Variants in PDE11A observed in about 807,000 individuals in gnomAD.
PDE11A encodes phosphodiesterase 11A.
A neutral mutation model predicts 100.5 loss-of-function variants in PDE11A; 100 were observed. The observed-to-expected ratio is 1.00, with a 90% confidence interval of 0.85 to 1.18. The LOEUF is 1.18. PDE11A is among the 50% of genes most tolerant of loss of function. PDE11A has a pLI of 0.00. For synonymous variants in PDE11A, 381 were observed against 420.8 expected, an observed-to-expected ratio of 0.91 and a Z score of 1.16; for missense variants, 1,141 against 1,152.6, an observed-to-expected ratio of 0.99 and a Z score of 0.15.
chr2:177,849,900 G>T (rs2083670319), intron 5 of PDE11A, among the ~76,000 whole-genome samples: 1 of 152,134 alleles, frequency 6.6e-6, no homozygotes, highest in Non-Finnish European at 1.5e-5. Context: ...CAAAGAAATG[G>T]AAGAACATTC....
intron 1 of PDE11A, among the ~76,000 whole-genome samples, chr2:178,062,267 C>T (rs990791486): frequency 9.3e-5 from 14 of 150,042 alleles, no homozygotes; most frequent in African/African-American, 2.7e-4. Flanking sequence ...CTGTCTTGGG[C>T]TTTCAAAGCC....
chr2:177,809,622 G>A (rs1354161875), intron 9 of PDE11A, among the ~76,000 whole-genome samples: 4 of 152,156 alleles, frequency 2.6e-5, no homozygotes. Flanking sequence ...TACCTGAATT[G>A]GGAGATAAGG....
At chr2:177,767,156 C>G (rs2082250933) in intron 10 of PDE11A, among the ~76,000 whole-genome samples, 1 of 152,114 alleles carries the variant, frequency 6.6e-6, no homozygotes, top group Admixed American at 6.6e-5. Context: ...ATGGTGAAAC[C>G]CCGTCTCTAC....
rs563534990 is a variant in PDE11A at position 177,876,406 on chromosome 2, A to G, written c.1303-483T>C. ...TTCGTGGTACCACCACCTAAAGGGT[A>G]AAGAGGAAGCCACCTTATTCAACAA... On this transcript the variant is annotated intron_variant, in intron 4 of 19. Transcript: ENST00000286063. Among the ~76,000 whole-genome samples, 23 of 148,116 alleles carry G rather than the reference A, an allele frequency of 1.6e-4. 3 individuals carry two copies. The highest frequency in any genetic ancestry group is 2.1e-4 in the Non-Finnish European group (14 of 67,284).
chr2:177,693,915 C>G (rs374669580), intron 15 of PDE11A, among the ~76,000 whole-genome samples: 3 of 152,154 alleles, frequency 2.0e-5, no homozygotes, highest in African/African-American at 7.2e-5. Context: ...AACATCGGGG[C>G]GACAGTTTGT....
intron 13 of PDE11A, among the ~76,000 whole-genome samples, chr2:177,710,402 A>G (rs2081342769): frequency 6.6e-6 from 1 of 152,150 alleles, no homozygotes; most frequent in Non-Finnish European, 1.5e-5. Context: ...GGAAGACACA[A>G]GTTTGGTATA....
At chr2:177,739,039 G>A (rs2081835035) in intron 10 of PDE11A, among the ~76,000 whole-genome samples, 1 of 152,142 alleles carries the variant, frequency 6.6e-6, no homozygotes, top group South Asian at 2.1e-4. Flanking sequence ...TAAGTCAAAG[G>A]AACAAGCCAA....
chr2:178,019,377 T>C (rs1345327257), intron 1 of PDE11A, among the ~76,000 whole-genome samples: 1 of 152,192 alleles, frequency 6.6e-6, no homozygotes, highest in Non-Finnish European at 1.5e-5. Flanking sequence ...ATGTTTATTT[T>C]ACTTGTCTTA....
chr2:177,892,466 C>T (rs2084545102), intron 4 of PDE11A, among the ~76,000 whole-genome samples: 1 of 152,172 alleles, frequency 6.6e-6, no homozygotes, highest in African/African-American at 2.4e-5. Context: ...TACAGCTATA[C>T]AAAAAAGTAA....
chr2:178,072,450 C>A lies in PDE11A; in HGVS notation c.-13G>T. 6.2e-7 allele frequency: 1 copy of A among 1,613,024 alleles called. No homozygotes were observed. The highest frequency in any genetic ancestry group is 8.5e-7 in the Non-Finnish European group (1 of 1,180,032). ...GGGAGGCTGCCATGGTCCCAGACAG[C>A]TTTCCTTGCCTGTTTACACGTGAAC... is the stretch of plus-strand genomic sequence containing the variant. On this transcript the variant is annotated 5_prime_UTR_variant, in exon 1 of 20. Transcript: ENST00000286063.
At chr2:178,039,451 T>C (rs2086657051) in intron 1 of PDE11A, among the ~76,000 whole-genome samples, 1 of 152,052 alleles carries the variant, frequency 6.6e-6, no homozygotes, top group Non-Finnish European at 1.5e-5. Flanking sequence ...ACCTGGGTGA[T>C]GAAATAGTTA....
chr2:177,896,271 C>A (rs1249615125), intron 4 of PDE11A, among the ~76,000 whole-genome samples: 2 of 152,198 alleles, frequency 1.3e-5, no homozygotes, highest in Non-Finnish European at 2.9e-5. Context: ...CCAGCTCTGC[C>A]CCAACATTCT....
intron 2 of PDE11A, among the ~76,000 whole-genome samples, chr2:177,954,726 T>C (rs943964154): frequency 1.3e-5 from 2 of 152,188 alleles, no homozygotes; most frequent in African/African-American, 4.8e-5. Flanking sequence ...TTAACCTGGC[T>C]ACACTTTAAA....
intron 2 of PDE11A, among the ~76,000 whole-genome samples, chr2:178,087,013 T>C (rs1033058809): frequency 6.6e-6 from 1 of 152,170 alleles, no homozygotes; most frequent in African/African-American, 2.4e-5. Flanking sequence ...AGCAAAGATA[T>C]GGTCAACCTC....
chr2:177,727,775 G>C lies in PDE11A; in HGVS notation c.1936-10C>G. On this transcript the variant is annotated splice_polypyrimidine_tract_variant and intron_variant, in intron 11 of 19. Coordinates refer to ENST00000286063, the MANE Select transcript of PDE11A (RefSeq NM_016953.4). ...GCCACCTACACAGTGTCTGAAATGGGAGGGAGAGGGTGCGTCAGGCAGTTG... is the reference window on the plus strand; with the variant it reads ...GCCACCTACACAGTGTCTGAAATGGCAGGGAGAGGGTGCGTCAGGCAGTTG... The C allele has an allele frequency of 6.6e-7, 1 of 1,509,868 alleles. No individual in the cohort carries two copies. The highest frequency in any genetic ancestry group is 1.4e-5 in the African/African-American group (1 of 72,928). 93.5% of individuals were successfully genotyped at this position (1,509,868 alleles called of 1,614,324 possible).
intron 9 of PDE11A, among the ~76,000 whole-genome samples, chr2:177,793,490 T>C (rs1574148489): frequency 7.6e-6 from 1 of 131,134 alleles, no homozygotes; most frequent in Admixed American, 9.2e-5. Context: ...TGGATGAGGA[T>C]GGTGGATGCG....
chr2:177,946,841 G>A (rs2085443278), intron 2 of PDE11A, among the ~76,000 whole-genome samples: 3 of 84,440 alleles, frequency 3.6e-5, no homozygotes, highest in Non-Finnish European at 5.0e-5. Context: ...GGTGGGGGGG[G>A]TCAGCCCCCC....
intron 5 of PDE11A, among the ~76,000 whole-genome samples, chr2:177,847,428 G>A (rs1012111171): frequency 1.3e-5 from 2 of 152,134 alleles, no homozygotes; most frequent in African/African-American, 4.8e-5. Flanking sequence ...AAGATTTTCA[G>A]TTTGGGCCAG....
chr2:177,939,135 A>C (rs957607863), intron 2 of PDE11A, among the ~76,000 whole-genome samples: 1 of 152,156 alleles, frequency 6.6e-6, no homozygotes, highest in African/African-American at 2.4e-5. Flanking sequence ...GCAACCAGGA[A>C]CTTCTATAAT....
Sources: allele counts gnomAD v4.1 joint callset (sites outside exome capture counted in the v4.1 genomes callset), GRCh38; gene constraint gnomAD v4.1.1; transcripts MANE v1.5; gene names NCBI Gene and HGNC (gene_info 2026-07-23, HGNC 2026-07-21).